Variants in FHIT observed in about 807,000 individuals in gnomAD.
FHIT encodes bis(5'-adenosyl)-triphosphatase.
Under a neutral mutation model 17.9 loss-of-function variants are expected in FHIT, and 19 were observed. That is an observed-to-expected ratio of 1.06 (90% CI 0.74 to 1.56). The LOEUF (loss-of-function observed/expected upper bound fraction) is 1.56. FHIT is among the 40% of genes most tolerant of loss of function. FHIT has a pLI of 0.00. For synonymous variants in FHIT, 81 were observed against 69.7 expected (o/e 1.16, Z -0.81); for missense variants, 248 against 189.2 (o/e 1.31, Z -1.82).
At chr3:61,214,958 C>G (rs1430609608) in intron 1 of FHIT, among the ~76,000 whole-genome samples, 1 of 151,778 alleles carries the variant, frequency 6.6e-6, no homozygotes, top group African/African-American at 2.4e-5. Flanking sequence ...AATTCAACAA[C>G]TCTTCATGCT....
chr3:60,238,738 A>G (rs1407490505), intron 5 of FHIT, among the ~76,000 whole-genome samples: 1 of 152,098 alleles, frequency 6.6e-6, no homozygotes, highest in Non-Finnish European at 1.5e-5. Context: ...GAGGAACAAC[A>G]AAAAAAGTTG....
chr3:60,269,554 G>A (rs1010595299), intron 5 of FHIT, among the ~76,000 whole-genome samples: 1 of 152,186 alleles, frequency 6.6e-6, no homozygotes, highest in African/African-American at 2.4e-5. Context: ...TTTTAGCTGT[G>A]TATGACTTAA....
At chr3:60,024,909 T>C (rs554469509) in intron 5 of FHIT, among the ~76,000 whole-genome samples, 11 of 152,316 alleles carry the variant, frequency 7.2e-5, no homozygotes, top group African/African-American at 2.4e-4. Context: ...TTTGCAAAGC[T>C]GAAGGCCACT....
intron 4 of FHIT, among the ~76,000 whole-genome samples, chr3:60,643,303 A>G (rs992071995): frequency 1.1e-4 from 17 of 152,128 alleles, no homozygotes; most frequent in South Asian, 2.1e-4. Flanking sequence ...GGTAGAATCA[A>G]TATTGTGAAA....
intron 3 of FHIT, among the ~76,000 whole-genome samples, chr3:61,006,293 A>T (rs1410344297): frequency 1.3e-5 from 2 of 152,232 alleles, no homozygotes; most frequent in African/African-American, 4.8e-5. Flanking sequence ...AACCTCAAGC[A>T]GTATTTTTTA....
chr3:60,601,721 T>C (rs868971006), intron 4 of FHIT, among the ~76,000 whole-genome samples: 1 of 152,138 alleles, frequency 6.6e-6, no homozygotes, highest in Admixed American at 6.5e-5. Flanking sequence ...AGAACTCAGC[T>C]GGAAGAAAAT....
chr3:61,221,869 A>C (rs1234755178), intron 1 of FHIT, among the ~76,000 whole-genome samples: 1 of 152,240 alleles, frequency 6.6e-6, no homozygotes, highest in Non-Finnish European at 1.5e-5. Context: ...TCCAACGTCC[A>C]ACCAGACTGA....
At chr3:60,306,464 A>T (rs185058881) in intron 5 of FHIT, among the ~76,000 whole-genome samples, 14 of 152,320 alleles carry the variant, frequency 9.2e-5, no homozygotes, top group Non-Finnish European at 1.2e-4. Flanking sequence ...TAGCCTTTCC[A>T]TGAAGCAAAG....
At chr3:61,144,003 C>T (rs2037159776) in intron 2 of FHIT, among the ~76,000 whole-genome samples, 1 of 152,116 alleles carries the variant, frequency 6.6e-6, no homozygotes, top group African/African-American at 2.4e-5. Context: ...AATGAATTAC[C>T]TTTACTATTC....
intron 4 of FHIT, among the ~76,000 whole-genome samples, chr3:60,611,557 G>A (rs1020621352): frequency 3.3e-5 from 5 of 152,178 alleles, no homozygotes; most frequent in Non-Finnish European, 5.9e-5. Context: ...GGTATGGAAA[G>A]AAACCATTGT....
chr3:61,123,552 TAA>T (rs199772439), intron 2 of FHIT, among the ~76,000 whole-genome samples: 39,143 of 151,804 alleles, frequency 0.26, 5,400 homozygotes, highest in African/African-American at 0.38. Flanking sequence ...AAAATTGTAT[TAA>T]GTGATAAGAT....
intron 4 of FHIT, among the ~76,000 whole-genome samples, chr3:60,579,011 G>GT (rs1338361631): frequency 3.9e-5 from 6 of 152,166 alleles, no homozygotes; most frequent in Non-Finnish European, 1.5e-5. Flanking sequence ...AAGAAATGCT[G>GT]TTATAGCTCC....
intron 4 of FHIT, among the ~76,000 whole-genome samples, chr3:60,705,957 T>A (rs1296705048): frequency 2.6e-5 from 4 of 152,202 alleles, no homozygotes; most frequent in Non-Finnish European, 5.9e-5. Flanking sequence ...TTCTCAAAAA[T>A]GTATTTCAAG....
chr3:60,149,101 A>G (rs1011996485), intron 5 of FHIT, among the ~76,000 whole-genome samples: 2 of 152,222 alleles, frequency 1.3e-5, no homozygotes, highest in Non-Finnish European at 2.9e-5. Flanking sequence ...CAGCTCCTTC[A>G]AACAACTCAC....
At chr3:59,968,843 A>C (rs931205582) in intron 7 of FHIT, among the ~76,000 whole-genome samples, 4 of 152,162 alleles carry the variant, frequency 2.6e-5, no homozygotes, top group Non-Finnish European at 5.9e-5. Context: ...ACAAAGCTAA[A>C]GTTGTTTATT....
chr3:60,321,158 G>A (rs1053794224), intron 5 of FHIT, among the ~76,000 whole-genome samples: 1 of 152,118 alleles, frequency 6.6e-6, no homozygotes, highest in Admixed American at 6.6e-5. Context: ...CCCACCCTGC[G>A]AAGAATGGAC....
intron 7 of FHIT, among the ~76,000 whole-genome samples, chr3:59,952,984 GTC>G (rs1412171660): frequency 6.6e-6 from 1 of 151,686 alleles, no homozygotes; most frequent in Non-Finnish European, 1.5e-5. Flanking sequence ...CTCTGCATTT[GTC>G]TCTCTTTCCA....
intron 5 of FHIT, among the ~76,000 whole-genome samples, chr3:60,401,063 T>C (rs1366351149): frequency 6.6e-6 from 1 of 152,152 alleles, no homozygotes; most frequent in East Asian, 1.9e-4. Context: ...GGCCTGCCCC[T>C]GGAGACACCC....
intron 5 of FHIT, among the ~76,000 whole-genome samples, chr3:60,106,398 C>G (rs1160688664): frequency 6.6e-6 from 1 of 152,114 alleles, no homozygotes; most frequent in Non-Finnish European, 1.5e-5. Flanking sequence ...AAAATTCATG[C>G]TAGTTTTGCT....
Sources: gnomAD v4.1 joint callset for allele counts (sites outside exome capture counted in the v4.1 genomes callset) on GRCh38, gnomAD v4.1.1 for gene constraint, MANE v1.5 for transcripts, NCBI Gene and HGNC (gene_info 2026-07-23, HGNC 2026-07-21) for gene names.